Variants in ME3 observed in about 807,000 individuals in gnomAD.
The protein encoded by ME3 is NADP-dependent malic enzyme, mitochondrial.
A neutral mutation model predicts 68.9 loss-of-function variants in ME3; 48 were observed. The observed-to-expected ratio is 0.70, with a 90% CI of 0.55 to 0.89. ME3 has a LOEUF of 0.89. Among genes scored for constraint, ME3 ranks in the 40% least tolerant of loss-of-function variants. ME3 has a pLI of 0.00. For missense variants in ME3, 675 were observed against 797.4 expected, an observed-to-expected ratio of 0.85 and a Z score of 1.85; for synonymous variants, 320 against 318.8, an observed-to-expected ratio of 1.00 and a Z score of -0.04.
intron 11 of ME3, among the ~76,000 whole-genome samples, chr11:86,447,855 C>CAAAAAA (rs35352939): frequency 8.3e-6 from 1 of 120,776 alleles, no homozygotes; most frequent in African/African-American, 3.4e-5. Context: ...TAAACTCTGT[C>CAAAAAA]AAAAAAAAAA....
chr11:86,487,469 C>G (rs1305905150), intron 6 of ME3, 29 bp from the exon 7 acceptor site: 2 of 1,571,752 alleles, frequency 1.3e-6, no homozygotes, highest in Non-Finnish European at 1.7e-6. Context: ...ATTGACTGAG[C>G]CTACTCCCGG....
chr11:86,450,614 T>C (rs74402426), intron 8 of ME3, among the ~76,000 whole-genome samples: 8,440 of 152,328 alleles, frequency 0.055, 311 homozygotes, highest in Non-Finnish European at 0.086. Context: ...TCCTGATTTG[T>C]TACTTGACCC....
intron 2 of ME3, among the ~76,000 whole-genome samples, chr11:86,573,184 T>C (rs1957904341): frequency 6.6e-6 from 1 of 152,232 alleles, no homozygotes; most frequent in African/African-American, 2.4e-5. Context: ...TATTAAACCT[T>C]TGTCAGATGA....
At chr11:86,534,697 T>C (rs1955526899) in intron 4 of ME3, among the ~76,000 whole-genome samples, 1 of 152,040 alleles carries the variant, frequency 6.6e-6, no homozygotes, top group South Asian at 2.1e-4. Context: ...ATAATAATAA[T>C]AACACTTAGC....
rs1269729563 is a variant in ME3, at chr11:86,601,847, A to G, written c.184-42024T>C. 5.3e-5 allele frequency among the ~76,000 whole-genome samples: 8 copies of G among 151,524 alleles called. No homozygotes were observed. In the South Asian group the frequency reaches 1.7e-3, roughly 32 times the overall value. Reference sequence around the variant, plus strand: ...CCAGCATATAAACAGAACCAAAGACAAAAACCACATGATTATCTCAATAGA... The same window carrying G: ...CCAGCATATAAACAGAACCAAAGACGAAAACCACATGATTATCTCAATAGA... On this transcript the variant is annotated intron_variant, in intron 2 of 14. Transcript: ENST00000543262.
At chr11:86,446,633 A>G in intron 12 of ME3, 146 bp from the exon 13 acceptor site, 1 of 789,894 alleles carries the variant, frequency 1.3e-6, no homozygotes, top group Non-Finnish European at 2.0e-6. Flanking sequence ...AGGTATTTAA[A>G]GCACATTTGT....
intron 2 of ME3, among the ~76,000 whole-genome samples, chr11:86,575,879 A>G (rs1958073566): frequency 6.6e-6 from 1 of 152,214 alleles, no homozygotes; most frequent in African/African-American, 2.4e-5. Flanking sequence ...TTTATCAAGA[A>G]AGTTGGTGTA....
At chr11:86,443,240 T>C (rs367988941) in intron 13 of ME3, among the ~76,000 whole-genome samples, 14 of 152,334 alleles carry the variant, frequency 9.2e-5, no homozygotes, top group Admixed American at 4.6e-4. Context: ...GTCCAGCCTG[T>C]TGCATAGGGA....
chr11:86,446,353 G>C, exon 13 of ME3: 1 of 1,614,172 alleles, frequency 6.2e-7, no homozygotes, highest in South Asian at 1.1e-5. Context: ...GGATGTGCCG[G>C]ATCCCGCCGG....
At chr11:86,566,753 A>G (rs1298293309) in intron 2 of ME3, among the ~76,000 whole-genome samples, 1 of 152,148 alleles carries the variant, frequency 6.6e-6, no homozygotes, top group East Asian at 1.9e-4. Flanking sequence ...ATAATAAATA[A>G]GTATATTTGG....
intron 4 of ME3, among the ~76,000 whole-genome samples, chr11:86,536,323 G>C (rs1955657227): frequency 6.8e-6 from 1 of 147,440 alleles, no homozygotes; most frequent in East Asian, 2.0e-4. Flanking sequence ...CACAGCAAAA[G>C]AAACTACCAT....
chr11:86,630,714 G>A (rs534293177), intron 2 of ME3, among the ~76,000 whole-genome samples: 68 of 152,352 alleles, frequency 4.5e-4, no homozygotes, highest in Admixed American at 7.2e-4. Context: ...AACACCCAGC[G>A]TCTCCTCAGA....
intron 2 of ME3, among the ~76,000 whole-genome samples, chr11:86,593,474 CACA>C (rs1565183557): frequency 6.8e-6 from 1 of 146,480 alleles, no homozygotes; most frequent in Non-Finnish European, 1.5e-5. Flanking sequence ...ATATGAGCCC[CACA>C]AAGGCTCCAG....
At chr11:86,591,579 T>C (rs117548898) in intron 2 of ME3, among the ~76,000 whole-genome samples, 3,044 of 152,192 alleles carry the variant, frequency 0.02, 43 homozygotes, top group Non-Finnish European at 0.028. Context: ...ATCTTGGAGA[T>C]TGTATTACTC....
chr11:86,477,973 A>C (rs1951178734), intron 7 of ME3, among the ~76,000 whole-genome samples: 1 of 152,104 alleles, frequency 6.6e-6, no homozygotes, highest in South Asian at 2.1e-4. Flanking sequence ...TGAAACTGGG[A>C]AACTGTTCTG....
intron 2 of ME3, among the ~76,000 whole-genome samples, chr11:86,589,672 G>A (rs965836432): frequency 6.6e-6 from 1 of 152,162 alleles, no homozygotes. Flanking sequence ...AAATTATTGG[G>A]CTAGATTTTT....
intron 2 of ME3, among the ~76,000 whole-genome samples, chr11:86,578,184 C>T (rs1439767779): frequency 6.6e-6 from 1 of 152,174 alleles, no homozygotes; most frequent in East Asian, 1.9e-4. Flanking sequence ...TCATGACCCT[C>T]TCTTCCCAAG....
intron 2 of ME3, among the ~76,000 whole-genome samples, chr11:86,588,676 G>A (rs567269520): frequency 6.6e-6 from 1 of 152,332 alleles, no homozygotes; most frequent in African/African-American, 2.4e-5. Context: ...ACTGAATGGA[G>A]AGGCCTAACC....
At chr11:86,481,489 C>G (rs1951404828) in intron 7 of ME3, among the ~76,000 whole-genome samples, 1 of 152,112 alleles carries the variant, frequency 6.6e-6, no homozygotes, top group Non-Finnish European at 1.5e-5. Context: ...GACAAGTTTC[C>G]TTGATGACTC....
Sources: allele counts gnomAD v4.1 joint callset (sites outside exome capture counted in the v4.1 genomes callset), GRCh38; gene constraint gnomAD v4.1.1; transcripts MANE v1.5; gene names NCBI Gene and HGNC (gene_info 2026-07-23, HGNC 2026-07-21).